The following FRMD3 variants were observed in gnomAD, a reference collection of about 807,000 sequenced individuals.
FRMD3 encodes FERM domain containing 3.
A neutral mutation model predicts 70.2 loss-of-function variants in FRMD3; 33 were observed. That is an observed-to-expected ratio of 0.47 (90% CI 0.36 to 0.63). The LOEUF (loss-of-function observed/expected upper bound fraction) is 0.63, where lower values mean the gene tolerates loss of function less well. Among genes scored for constraint, FRMD3 ranks in the 20% least tolerant of loss-of-function variants. The pLI is 0.00. For missense variants in FRMD3, 632 were observed against 711.4 expected (o/e 0.89, Z 1.27); for synonymous variants, 279 against 255.9 (o/e 1.09, Z -0.86).
chr9:83,274,283 G>C (rs1424921905), intron 13 of FRMD3, among the ~76,000 whole-genome samples: 1 of 152,192 alleles, frequency 6.6e-6, no homozygotes. Context: ...AGGACCAGAA[G>C]AGTCAGCTAG....
intron 13 of FRMD3, chr9:83,266,947 T>C (rs933578218): frequency 7.4e-6 from 11 of 1,490,472 alleles, no homozygotes; most frequent in Non-Finnish European, 1.0e-5. Flanking sequence ...CCACCAGCAG[T>C]GAGCAGGAAG....
intron 1 of FRMD3, among the ~76,000 whole-genome samples, chr9:83,445,387 T>G (rs999715886): frequency 7.5e-6 from 1 of 133,724 alleles, no homozygotes; most frequent in Admixed American, 7.7e-5. Context: ...GATAGACAGA[T>G]AGATAAGATA....
intron 1 of FRMD3, among the ~76,000 whole-genome samples, chr9:83,478,957 C>A (rs1828463998): frequency 6.6e-6 from 1 of 152,046 alleles, no homozygotes; most frequent in South Asian, 2.1e-4. Flanking sequence ...TGTACCTATG[C>A]ACTACGGGTC....
intron 1 of FRMD3, among the ~76,000 whole-genome samples, chr9:83,504,185 G>A (rs1040694077): frequency 2.0e-5 from 3 of 152,100 alleles, no homozygotes; most frequent in Non-Finnish European, 2.9e-5. Flanking sequence ...ATCATCTCCT[G>A]AGCTTGACTT....
intron 2 of FRMD3, among the ~76,000 whole-genome samples, chr9:83,377,768 AC>A (rs1399145967): frequency 6.6e-6 from 1 of 152,018 alleles, no homozygotes; most frequent in Non-Finnish European, 1.5e-5. Context: ...AGCCAACTAA[AC>A]CTGTTTTCTT....
intron 1 of FRMD3, chr9:83,467,850 T>A: frequency 1.5e-6 from 2 of 1,348,042 alleles, no homozygotes; most frequent in Non-Finnish European, 1.9e-6. Context: ...AGGTTGATGG[T>A]TTTTTAAAAA....
chr9:83,488,055 C>T (rs1828726281), intron 1 of FRMD3, among the ~76,000 whole-genome samples: 1 of 152,154 alleles, frequency 6.6e-6, no homozygotes, highest in South Asian at 2.1e-4. Context: ...CTTTTAACTC[C>T]TACAGTTTTT....
At chr9:83,549,341 A>C in the FRMD3 span, among the ~76,000 whole-genome samples, 1 of 152,222 alleles carries the variant, frequency 6.6e-6, no homozygotes, top group Admixed American at 6.5e-5. Flanking sequence ...CATTTTGTTT[A>C]TCCAGTTTGT....
intron 6 of FRMD3, among the ~76,000 whole-genome samples, chr9:83,325,290 C>T (rs1403684044): frequency 1.3e-5 from 2 of 152,152 alleles, no homozygotes; most frequent in Admixed American, 1.3e-4. Flanking sequence ...CAAAATGACA[C>T]TTATACTTGA....
rs1043285079 is a variant in FRMD3, at chr9:83,247,459, A to C, written c.*459T>G. 2.3e-4 allele frequency: 227 copies of C among 984,182 alleles called. No homozygotes were observed. The highest frequency in any genetic ancestry group is 2.7e-4 in the Non-Finnish European group (221 of 828,566). 61.0% of individuals were successfully genotyped at this position (984,182 alleles called of 1,614,324 possible). ...TATTTTTAAAAAAACAGAACCAAAA[A>C]CCCAGCATAAATTTAGTTGTATAGG... is the stretch of plus-strand genomic sequence containing the variant. On this transcript the variant is annotated 3_prime_UTR_variant, in exon 14 of 14. Coordinates refer to ENST00000304195, the MANE Select transcript of FRMD3 (RefSeq NM_174938.6).
At chr9:83,369,097 C>T (rs565437594) in intron 3 of FRMD3, among the ~76,000 whole-genome samples, 1 of 152,230 alleles carries the variant, frequency 6.6e-6, no homozygotes, top group Admixed American at 6.5e-5. Flanking sequence ...TCGTAATGCA[C>T]CCACTTCGGC....
chr9:83,502,951 C>G (rs1237647969), intron 1 of FRMD3, among the ~76,000 whole-genome samples: 1 of 152,134 alleles, frequency 6.6e-6, no homozygotes, highest in African/African-American at 2.4e-5. Flanking sequence ...TACAAGCACA[C>G]TGTAGTAATT....
chr9:83,579,616 A>G, the FRMD3 span, among the ~76,000 whole-genome samples: 1 of 152,092 alleles, frequency 6.6e-6, no homozygotes, highest in African/African-American at 2.4e-5. Flanking sequence ...ATCTGACACC[A>G]TGAACCAAAA....
chr9:83,273,700 T>C (rs1266096309), intron 13 of FRMD3, among the ~76,000 whole-genome samples: 1 of 148,204 alleles, frequency 6.7e-6, no homozygotes, highest in Non-Finnish European at 1.5e-5. Context: ...CTCCAAGAAA[T>C]TGACTAAGAT....
chr9:83,567,087 G>A, the FRMD3 span, among the ~76,000 whole-genome samples: 4 of 152,230 alleles, frequency 2.6e-5, no homozygotes, highest in Non-Finnish European at 5.9e-5. Context: ...TGGGCATCCA[G>A]ACATTTCCAT....
At chr9:83,370,341 T>C (rs1335135557) in intron 3 of FRMD3, among the ~76,000 whole-genome samples, 3 of 152,206 alleles carry the variant, frequency 2.0e-5, no homozygotes, top group African/African-American at 7.2e-5. Context: ...AACACAGAAA[T>C]TCTTCATACT....
At chr9:83,507,106 A>T (rs533194187) in intron 1 of FRMD3, among the ~76,000 whole-genome samples, 49 of 152,144 alleles carry the variant, frequency 3.2e-4, no homozygotes, top group Non-Finnish European at 6.0e-4. Context: ...CACACCTGTA[A>T]TCCCAGCACT....
At chr9:83,492,644 C>T (rs1828854740) in intron 1 of FRMD3, among the ~76,000 whole-genome samples, 1 of 152,180 alleles carries the variant, frequency 6.6e-6, no homozygotes, top group Admixed American at 6.5e-5. Context: ...GGCAGGTGCC[C>T]CAACTCTCAG....
intron 3 of FRMD3, among the ~76,000 whole-genome samples, chr9:83,361,319 A>G (rs1824576082): frequency 6.6e-6 from 1 of 152,254 alleles, no homozygotes; most frequent in Non-Finnish European, 1.5e-5. Context: ...ATGAATCAAT[A>G]ACATGCATAA....
Sources: gnomAD v4.1 joint callset for allele counts (sites outside exome capture counted in the v4.1 genomes callset) on GRCh38, gnomAD v4.1.1 for gene constraint, MANE v1.5 for transcripts, NCBI Gene and HGNC (gene_info 2026-07-23, HGNC 2026-07-21) for gene names.